Variants in ITLN2 observed in about 807,000 individuals in gnomAD.
The protein encoded by ITLN2 is intelectin 2.
Under a neutral mutation model 39.4 loss-of-function variants are expected in ITLN2, and 29 were observed. The observed-to-expected ratio is 0.74, with a 90% CI of 0.55 to 1.00. The LOEUF (loss-of-function observed/expected upper bound fraction) is 1.00, where lower values mean the gene tolerates loss of function less well. Among genes scored for constraint, ITLN2 ranks in the 50% least tolerant of loss-of-function variants. ITLN2 has a pLI of 0.00. For missense variants in ITLN2, 412 were observed against 416.7 expected (o/e 0.99, Z 0.10); for synonymous variants, 156 against 153.4 (o/e 1.02, Z -0.12).
At chr1:160,949,253 C>T (rs1415461879) in intron 6 of ITLN2, 1 of 152,264 alleles carries the variant, frequency 6.6e-6, no homozygotes, top group Admixed American at 6.5e-5. Flanking sequence ...AACATACAAT[C>T]GGGTTTTACA....
chr1:160,948,291 C>G (rs1285322932), intron 6 of ITLN2, among the ~76,000 whole-genome samples: 1 of 152,180 alleles, frequency 6.6e-6, no homozygotes, highest in Admixed American at 6.5e-5. Context: ...GGTCTGCTTA[C>G]AGCTTACAGG....
At chr1:160,950,301 G>A (rs1312366359) in intron 5 of ITLN2, 135 bp from the exon 6 acceptor site, 1 of 1,026,168 alleles carries the variant, frequency 9.7e-7, no homozygotes, top group Non-Finnish European at 1.4e-6. Flanking sequence ...CCCCATAGCT[G>A]TGTCTCCCCA....
At chr1:160,948,483 A>AT (rs1323954514) in intron 6 of ITLN2, among the ~76,000 whole-genome samples, 1 of 152,132 alleles carries the variant, frequency 6.6e-6, no homozygotes, top group Non-Finnish European at 1.5e-5. Context: ...GATGTCTTTG[A>AT]TTTTTTTATC....
intron 5 of ITLN2, 108 bp from the exon 6 acceptor site, chr1:160,950,274 T>C (rs1557874106): frequency 8.4e-7 from 1 of 1,185,806 alleles, no homozygotes; most frequent in Non-Finnish European, 1.2e-6. Context: ...CCAATCCTCA[T>C]AATAGTGACT....
At position 160,950,456 on chromosome 1, in the gene ITLN2, A is replaced by G. The variant is rs1671713898; in HGVS notation, c.600+97T>C. On this transcript the variant is annotated intron_variant, in intron 5 of 7. Transcript: ENST00000368029. ...AAGGAGAAACAGCCAACCACTCAGTAGTGATGTGGAACCACAGGACAGATC... is the reference window on the plus strand; with the variant it reads ...AAGGAGAAACAGCCAACCACTCAGTGGTGATGTGGAACCACAGGACAGATC... The G allele has an allele frequency of 1.0e-5, 14 of 1,386,182 alleles. No homozygotes were observed. The South Asian group carries it at 1.8e-4, about 18-fold the overall frequency. The allele number at this position is 1,386,182 out of a possible 1,614,324, so 85.9% of individuals were successfully genotyped here.
Position 160,950,178 on chromosome 1 carries a change from C to A in ITLN2, c.601-12G>T. 6.2e-7 allele frequency: 1 copy of A among 1,613,728 alleles called. No homozygotes were observed. The highest frequency in any genetic ancestry group is 8.5e-7 in the Non-Finnish European group (1 of 1,179,696). ...TTCACTGGGTATTTCTGCAGAGACC[C>A]AGAAGAAAGGTTTTGTGAGGACAGT... is the stretch of plus-strand genomic sequence containing the variant. On this transcript the variant is annotated splice_polypyrimidine_tract_variant and intron_variant, in intron 5 of 7. Transcript: ENST00000368029.
intron 2 of ITLN2, 32 bp from the exon 3 acceptor site, chr1:160,952,765 G>A: frequency 6.7e-7 from 1 of 1,498,324 alleles, no homozygotes; most frequent in East Asian, 2.3e-5. Context: ...CTCATTAGAA[G>A]TCTGACCACT....
At chr1:160,950,225 G>C in intron 5 of ITLN2, 59 bp from the exon 6 acceptor site, 1 of 1,576,378 alleles carries the variant, frequency 6.3e-7, no homozygotes, top group Non-Finnish European at 8.7e-7. Context: ...CACAGTGTGG[G>C]GGGAGGAGGG....
chr1:160,948,414 C>A (rs900775454), intron 6 of ITLN2, among the ~76,000 whole-genome samples: 2 of 152,192 alleles, frequency 1.3e-5, no homozygotes, highest in African/African-American at 4.8e-5. Context: ...CATCCAATTA[C>A]CATGGGTTAG....
rs568072256 is a variant in ITLN2, at chr1:160,950,223, G to T, written c.601-57C>A. 239 of 1,572,934 alleles carry T rather than the reference G, an allele frequency of 1.5e-4. 2 individuals carry two copies. In the South Asian group the frequency reaches 2.5e-3, roughly 17 times the overall value. Reference sequence around the variant, plus strand: ...GACAGTAGAGATGCTGCCACAGTGTGGGGGGAGGAGGGGTTTCAAATTAAC... The same window carrying T: ...GACAGTAGAGATGCTGCCACAGTGTTGGGGGAGGAGGGGTTTCAAATTAAC... On this transcript the variant is annotated intron_variant, in intron 5 of 7. Coordinates refer to ENST00000368029, the MANE Select transcript of ITLN2 (RefSeq NM_080878.3).
intron 3 of ITLN2, 42 bp from the exon 4 acceptor site, chr1:160,951,332 C>G (rs959294812): frequency 6.5e-7 from 1 of 1,534,134 alleles, no homozygotes; most frequent in Non-Finnish European, 8.8e-7. Context: ...TCTGAGAGCT[C>G]AGGGTTCATC....
chr1:160,953,487 GGATCACAA>G (rs1330713273), intron 2 of ITLN2, among the ~76,000 whole-genome samples: 3 of 152,058 alleles, frequency 2.0e-5, no homozygotes, highest in Non-Finnish European at 4.4e-5. Flanking sequence ...CGAGGAGGGT[GGATCACAA>G]GATCAGGAGT....
At position 160,951,229 on chromosome 1, in the gene ITLN2, A is replaced by G. The variant is rs760190638; in HGVS notation, c.255T>C (p.Thr85=). The change falls in exon 4 of 8, where the codon ACT becomes ACC. Residue 85 remains threonine, a synonymous_variant. Transcript: ENST00000368029. The part of the protein sequence containing the change: ...GVVYQTFCDM[T]SGGGGWTLVA... ...CCAGGGTCCAGCCGCCACCCCCAGA[A>G]GTCATGTCACAGAAGGTCTGGTAGA... The G allele has an allele frequency of 9.9e-6, 16 of 1,612,858 alleles. No individual in the cohort carries two copies. Among genetic ancestry groups the G allele is most frequent in the East Asian group, 2.2e-5 (1 of 44,860 alleles).
chr1:160,953,977 T>C (rs889904400), intron 2 of ITLN2, among the ~76,000 whole-genome samples: 1 of 152,108 alleles, frequency 6.6e-6, no homozygotes, highest in Non-Finnish European at 1.5e-5. Flanking sequence ...GAGGATTCTA[T>C]TCTCACAATA....
chr1:160,949,035 G>A (rs1671672663), intron 6 of ITLN2: 1 of 152,164 alleles, frequency 6.6e-6, no homozygotes, highest in Non-Finnish European at 1.5e-5. Context: ...TCAGAGAGGG[G>A]GACGTGGCAG....
rs1671707997 is a variant in ITLN2 at position 160,950,159 on chromosome 1, G to A, written c.608C>T (p.Pro203Leu). ...HNLFGIYQKY[P>L]VKYRSGKCWN... The stretch of plus-strand genomic sequence containing the variant: ...ACATTTCCCTGATCTGTATTTCACT[G>A]GGTATTTCTGCAGAGACCCAGAAGA... The change falls in exon 6 of 8, where the codon CCA becomes CTA. Residue 203 changes from proline to leucine, a missense_variant. Physicochemically the swap from Pro to Leu is moderately conservative, Grantham distance 98 (BLOSUM62 -3). Coordinates refer to ENST00000368029, the MANE Select transcript of ITLN2 (RefSeq NM_080878.3). The A allele has an allele frequency of 6.2e-7, 1 of 1,613,788 alleles. No individual in the cohort carries two copies. The highest frequency in any genetic ancestry group is 8.5e-7 in the Non-Finnish European group (1 of 1,179,734).
intron 5 of ITLN2, 106 bp from the exon 6 acceptor site, chr1:160,950,272 C>T: frequency 8.2e-7 from 1 of 1,215,994 alleles, no homozygotes. Context: ...AACCAATCCT[C>T]ATAATAGTGA....
At chr1:160,950,290 TC>T (rs1416924621) in intron 5 of ITLN2, 124 bp from the exon 6 acceptor site, 2 of 1,082,006 alleles carry the variant, frequency 1.8e-6, no homozygotes, top group East Asian at 4.8e-5. Flanking sequence ...TGACTGCTTT[TC>T]CCCATAGCTG....
At position 160,950,170 on chromosome 1, in the gene ITLN2, C is replaced by T. The variant is rs933686146; in HGVS notation, c.601-4G>A. The T allele has an allele frequency of 3.1e-6, 5 of 1,613,704 alleles. No homozygotes were observed. In the South Asian group the frequency reaches 3.3e-5, roughly 11 times the overall value. On this transcript the variant is annotated splice_region_variant and splice_polypyrimidine_tract_variant and intron_variant, in intron 5 of 7. Coordinates refer to ENST00000368029, the MANE Select transcript of ITLN2 (RefSeq NM_080878.3). ...ATCTGTATTTCACTGGGTATTTCTG[C>T]AGAGACCCAGAAGAAAGGTTTTGTG... is the stretch of plus-strand genomic sequence containing the variant.
Sources: allele counts gnomAD v4.1 joint callset (sites outside exome capture counted in the v4.1 genomes callset), GRCh38; gene constraint gnomAD v4.1.1; transcripts MANE v1.5; gene names NCBI Gene and HGNC (gene_info 2026-07-23, HGNC 2026-07-21).